TRIM14: variants seen among roughly 807,000 people sequenced by gnomAD.
TRIM14 encodes tripartite motif containing 14, also known as tripartite motif-containing protein 14.
A neutral mutation model predicts 44.5 loss-of-function variants in TRIM14; 28 were observed. That is an observed-to-expected ratio of 0.63 (90% CI 0.47 to 0.86). TRIM14 has a LOEUF of 0.86. Among genes scored for constraint, TRIM14 ranks in the 40% least tolerant of loss-of-function variants. The pLI is 0.00. For missense variants in TRIM14, 607 were observed against 611.1 expected (o/e 0.99, Z 0.07); for synonymous variants, 299 against 269.2 (o/e 1.11, Z -1.08).
chr9:98,092,302 G>C (rs1826023530), intron 4 of TRIM14, among the ~76,000 whole-genome samples: 1 of 152,186 alleles, frequency 6.6e-6, no homozygotes, highest in South Asian at 2.1e-4. Flanking sequence ...CAAGAAAGTA[G>C]AGCTGAGTCC....
chr9:98,056,238 ACAGTTCTATTTTATT>A, the TRIM14 span, among the ~76,000 whole-genome samples: 4 of 152,160 alleles, frequency 2.6e-5, no homozygotes, highest in South Asian at 2.1e-4. Flanking sequence ...ACGTCATCTC[ACAGTTCTATTTTATT>A]TTTTTGCTTC....
rs1025329841 is a variant in TRIM14, at chr9:98,087,632, G to A, written c.1167C>T (p.Asp389=). 3 of 1,604,728 alleles carry A rather than the reference G, an allele frequency of 1.9e-6. No individual in the cohort carries two copies. The highest frequency in any genetic ancestry group is 1.3e-5 in the African/African-American group (1 of 74,864). Residue 389 remains aspartate (D), a synonymous_variant, in exon 6 of 6, where the codon GAC becomes GAT. Transcript: ENST00000341469. ...CGTAGTCCAGGAAGACGCCGAGCCG[G>A]TCGAGGTCGTCGCGGGGCCGCAGGC... is the stretch of plus-strand genomic sequence containing the variant. ...RSRLRPRDDL[D]RLGVFLDYEA...
At chr9:98,081,586 A>G (rs1587932587), downstream of TRIM14, 1 of 154,908 alleles carries the variant, frequency 6.5e-6, no homozygotes, top group Non-Finnish European at 1.4e-5. Context: ...TCCTTGTGCA[A>G]CAGTGACCTT....
At chr9:98,038,932 C>A in the TRIM14 span, among the ~76,000 whole-genome samples, 1 of 152,078 alleles carries the variant, frequency 6.6e-6, no homozygotes, top group African/African-American at 2.4e-5. Flanking sequence ...TGCCTGTAGT[C>A]CCAGCTACTG....
At chr9:98,094,836 A>G (rs1341556149) in intron 4 of TRIM14, 31 bp downstream of exon 4, 41 of 1,607,356 alleles carry the variant, frequency 2.6e-5, no homozygotes, top group Non-Finnish European at 3.4e-5. Context: ...AGGGGAGTTA[A>G]GGACACAAAG....
downstream of TRIM14, chr9:98,080,784 T>A (rs1829817884): frequency 6.5e-7 from 1 of 1,545,190 alleles, no homozygotes; most frequent in East Asian, 2.3e-5. Context: ...CAGCATGATA[T>A]TTAATGTTAT....
At chr9:98,042,551 T>A in the TRIM14 span, among the ~76,000 whole-genome samples, 10 of 152,114 alleles carry the variant, frequency 6.6e-5, no homozygotes, top group African/African-American at 2.4e-4. Flanking sequence ...ATTTTACCTA[T>A]AATGTTAAAG....
chr9:98,111,136 G>A (rs566751062), intron 1 of TRIM14, among the ~76,000 whole-genome samples: 7 of 152,250 alleles, frequency 4.6e-5, no homozygotes, highest in Non-Finnish European at 7.3e-5. Context: ...GGAAGGATCT[G>A]ATCTGTTCTT....
chr9:98,064,848 A>C (rs1829088933), downstream of TRIM14, among the ~76,000 whole-genome samples: 1 of 152,210 alleles, frequency 6.6e-6, no homozygotes, highest in African/African-American at 2.4e-5. Context: ...GAGTCTCCGC[A>C]TGCACCACGC....
intron 6 of TRIM14, chr9:98,077,165 G>A (rs1408463197): frequency 1.6e-6 from 1 of 625,172 alleles, no homozygotes; most frequent in South Asian, 2.2e-5. Context: ...GTCTCGCTGT[G>A]TTGGCCAGGT....
At chr9:98,078,960 G>A (rs1488149479) in intron 6 of TRIM14, among the ~76,000 whole-genome samples, 3 of 151,792 alleles carry the variant, frequency 2.0e-5, no homozygotes, top group African/African-American at 7.3e-5. Flanking sequence ...TTTTCATACT[G>A]AGTTATAGGA....
Position 98,095,918 on chromosome 9 carries a change from C to T in TRIM14, c.538-889G>A, listed in dbSNP as rs1826170755. On this transcript the variant is annotated intron_variant, in intron 3 of 5. Transcript: ENST00000341469. This position sits in a 1 kb window ranked among gnomAD's most constrained non-coding sequence, Gnocchi z 4.1. ...CATCTTCCATCCCGACTCTCTGGCC[C>T]TCCTGGAGATCCTATGGGCTATCTC... 6.6e-6 allele frequency among the ~76,000 whole-genome samples: 1 copy of T among 152,204 alleles called. No individual in the cohort carries two copies. Among genetic ancestry groups the T allele is most frequent in the African/African-American group, 2.4e-5 (1 of 41,456 alleles).
rs1826093588 is a variant in TRIM14, at chr9:98,093,999, C to A, written c.700+868G>T. Among the ~76,000 whole-genome samples the A allele has an allele frequency of 2.0e-5, 3 of 152,186 alleles. No homozygotes were observed. In the South Asian group the frequency reaches 6.2e-4, roughly 31 times the overall value. ...GACCTCATCATCCACCCACCTCGGCCTCCCAAAGTGCTGGGATTACAGGCG... is the reference window on the plus strand; with the variant it reads ...GACCTCATCATCCACCCACCTCGGCATCCCAAAGTGCTGGGATTACAGGCG... On this transcript the variant is annotated intron_variant, in intron 4 of 5. Transcript: ENST00000341469.
chr9:98,082,828 T>C (rs377677049), downstream of TRIM14: 1 of 1,612,566 alleles, frequency 6.2e-7, no homozygotes, highest in Non-Finnish European at 8.5e-7. Flanking sequence ...TGGCACTGAA[T>C]GTTCATTTTG....
At chr9:98,093,886 C>T (rs1366753719) in intron 4 of TRIM14, among the ~76,000 whole-genome samples, 2 of 152,142 alleles carry the variant, frequency 1.3e-5, no homozygotes, top group Non-Finnish European at 2.9e-5. Context: ...GCTGGGATTA[C>T]AGGTGCATGC....
At chr9:98,057,061 G>A in the TRIM14 span, 65 of 1,315,252 alleles carry the variant, frequency 4.9e-5, no homozygotes, top group Middle Eastern at 2.8e-4. Flanking sequence ...CTTCCCGCCC[G>A]CCAGTTCCGT....
the TRIM14 span, among the ~76,000 whole-genome samples, chr9:98,059,952 G>T: frequency 1.3e-5 from 2 of 152,180 alleles, no homozygotes; most frequent in Non-Finnish European, 2.9e-5. Context: ...GTCCCTGGAT[G>T]TTCCTGTCCC....
chr9:98,062,490 GA>G, the TRIM14 span, among the ~76,000 whole-genome samples: 1 of 152,118 alleles, frequency 6.6e-6, no homozygotes, highest in Non-Finnish European at 1.5e-5. Context: ...TAACATTACA[GA>G]AAGTTTAGAA....
intron 1 of TRIM14, among the ~76,000 whole-genome samples, chr9:98,114,407 C>T (rs1445492421): frequency 6.6e-6 from 1 of 152,064 alleles, no homozygotes; most frequent in Non-Finnish European, 1.5e-5. Context: ...AATCTCGGCT[C>T]ACTGCAAGCT....
Sources: allele counts gnomAD v4.1 joint callset (sites outside exome capture counted in the v4.1 genomes callset), GRCh38; gene constraint gnomAD v4.1.1; non-coding constraint Gnocchi (gnomAD v3.1); transcripts MANE v1.5; gene names NCBI Gene and HGNC (gene_info 2026-07-23, HGNC 2026-07-21).